Variants in STAG1 observed in about 807,000 individuals in gnomAD.
STAG1 encodes the protein STAG1 cohesin complex component.
STAG1 carries 26 observed loss-of-function variants against 170.9 expected under a neutral mutation model. That is an observed-to-expected ratio of 0.15 (90% CI 0.11 to 0.21). STAG1 has a LOEUF of 0.21. Among genes scored for constraint, STAG1 ranks in the 10% least tolerant of loss-of-function variants. STAG1 has a pLI of 1.00. For missense variants in STAG1, 964 were observed against 1,509.5 expected (o/e 0.64, Z 5.99); for synonymous variants, 514 against 497.7 (o/e 1.03, Z -0.44).
intron 1 of STAG1, among the ~76,000 whole-genome samples, chr3:136,682,812 TA>T (rs1942383455): frequency 6.6e-6 from 1 of 152,182 alleles, no homozygotes; most frequent in African/African-American, 2.4e-5. Flanking sequence ...AAGAGATATT[TA>T]TACACCCATG....
intron 32 of STAG1, 57 bp from the exon 33 acceptor site, chr3:136,338,507 G>T: frequency 8.0e-7 from 1 of 1,246,146 alleles, no homozygotes; most frequent in Non-Finnish European, 1.2e-6. Context: ...ACAATGAATT[G>T]TGATAATCAG....
rs554727344 is a variant in STAG1, at chr3:136,665,570, G to A, written c.-83-34589C>T. 2.0e-5 allele frequency among the ~76,000 whole-genome samples: 3 copies of A among 151,980 alleles called. No homozygotes were observed. The South Asian group carries it at 6.2e-4, about 32-fold the overall frequency. The stretch of plus-strand genomic sequence containing the variant: ...CGAGACAGGCAGATCACGAGGTCAG[G>A]AGATCGAGACCACCCTAGCTAACAC... On this transcript the variant is annotated intron_variant, in intron 1 of 33. Transcript: ENST00000383202.
At chr3:136,342,807 C>T (rs1936037399) in intron 30 of STAG1, among the ~76,000 whole-genome samples, 1 of 152,196 alleles carries the variant, frequency 6.6e-6, no homozygotes, top group South Asian at 2.1e-4. Context: ...CAGGGAATGA[C>T]AAATGGTAGG....
intron 16 of STAG1, among the ~76,000 whole-genome samples, chr3:136,433,185 G>T (rs1344466209): frequency 6.6e-6 from 1 of 151,894 alleles, no homozygotes; most frequent in Non-Finnish European, 1.5e-5. Flanking sequence ...AGGAAACTAA[G>T]ACATACAAAA....
intron 4 of STAG1, among the ~76,000 whole-genome samples, chr3:136,571,377 T>C (rs899088535): frequency 1.5e-4 from 23 of 152,166 alleles, no homozygotes; most frequent in African/African-American, 5.6e-4. Context: ...GAGACAAGCC[T>C]GAGCAGCATG....
chr3:136,467,783 A>G (rs1302085261), intron 12 of STAG1, among the ~76,000 whole-genome samples: 1 of 152,212 alleles, frequency 6.6e-6, no homozygotes, highest in Admixed American at 6.5e-5. Flanking sequence ...AGCAAATGTA[A>G]AAGAACAGAA....
Position 136,376,776 on chromosome 3 carries a change from T to A in STAG1, c.2370+884A>T, listed in dbSNP as rs145605087. 3.3e-3 allele frequency among the ~76,000 whole-genome samples: 507 copies of A among 152,078 alleles called. 8 individuals are homozygous for A. The East Asian group carries it at 0.048, about 14-fold the overall frequency. On this transcript the variant is annotated intron_variant, in intron 23 of 33. Transcript: ENST00000383202. ...ATGTCAGCTCCCCAGACCCTCAATA[T>A]TCTGGTGTAGAATTCTTTTTTTTAA...
chr3:136,735,761 C>T (rs1235013154), intron 1 of STAG1, among the ~76,000 whole-genome samples: 1 of 152,108 alleles, frequency 6.6e-6, no homozygotes, highest in Non-Finnish European at 1.5e-5. Flanking sequence ...TATAGGGGTT[C>T]GCCACCACGC....
chr3:136,751,929 C>A (rs1355439630), intron 1 of STAG1, among the ~76,000 whole-genome samples: 1 of 150,828 alleles, frequency 6.6e-6, no homozygotes, highest in Non-Finnish European at 1.5e-5. Context: ...GGAGGGGTGG[C>A]AAGCGACGAA....
intron 3 of STAG1, among the ~76,000 whole-genome samples, chr3:136,612,322 T>G (rs1396861177): frequency 2.0e-5 from 3 of 152,104 alleles, no homozygotes; most frequent in Non-Finnish European, 4.4e-5. Flanking sequence ...AAGATCCATG[T>G]CTGGCTGGGC....
intron 1 of STAG1, among the ~76,000 whole-genome samples, chr3:136,683,764 T>C (rs971351994): frequency 5.3e-5 from 8 of 152,188 alleles, no homozygotes; most frequent in African/African-American, 1.9e-4. Context: ...ACAGTCTCTG[T>C]TCCCAGGAGA....
At chr3:136,568,359 AAACTT>A (rs1213626688) in intron 5 of STAG1, among the ~76,000 whole-genome samples, 2 of 152,214 alleles carry the variant, frequency 1.3e-5, no homozygotes, top group Non-Finnish European at 1.5e-5. Context: ...AAAAGTATTT[AAACTT>A]AACTATAAAA....
chr3:136,582,279 G>A (rs1429025073), intron 4 of STAG1, among the ~76,000 whole-genome samples: 1 of 152,164 alleles, frequency 6.6e-6, no homozygotes, highest in Non-Finnish European at 1.5e-5. Flanking sequence ...CCTGCAATGA[G>A]AGAAGTTCAG....
At chr3:136,657,083 C>T (rs1432983478) in intron 1 of STAG1, among the ~76,000 whole-genome samples, 2 of 148,996 alleles carry the variant, frequency 1.3e-5, no homozygotes, top group Non-Finnish European at 3.0e-5. Flanking sequence ...CTATTAAGAA[C>T]TATGAGAAGA....
chr3:136,590,837 A>C (rs934947592), intron 4 of STAG1, among the ~76,000 whole-genome samples: 2 of 152,200 alleles, frequency 1.3e-5, no homozygotes, highest in African/African-American at 2.4e-5. Context: ...ATCAGTTCTA[A>C]AATATGTGCC....
chr3:136,544,515 C>T (rs966356180), intron 5 of STAG1, among the ~76,000 whole-genome samples: 52 of 152,042 alleles, frequency 3.4e-4, no homozygotes, highest in African/African-American at 1.2e-3. Flanking sequence ...ATAATACCAG[C>T]ACTTTGGGAG....
intron 1 of STAG1, among the ~76,000 whole-genome samples, chr3:136,685,507 T>C (rs1942488578): frequency 6.6e-6 from 1 of 152,150 alleles, no homozygotes; most frequent in African/African-American, 2.4e-5. Flanking sequence ...GAAACATATG[T>C]CCACACACGT....
chr3:136,475,331 G>C (rs34708790), intron 10 of STAG1, among the ~76,000 whole-genome samples: 2 of 151,968 alleles, frequency 1.3e-5, no homozygotes, highest in South Asian at 2.1e-4. Flanking sequence ...ATTTTTAGTA[G>C]AGACAGGGTT....
At chr3:136,714,248 G>A (rs558653763) in intron 1 of STAG1, among the ~76,000 whole-genome samples, 7 of 152,176 alleles carry the variant, frequency 4.6e-5, no homozygotes, top group South Asian at 2.1e-4. Context: ...AAAACAGAAC[G>A]TCAAACCACA....
Sources: gnomAD v4.1 joint callset for allele counts (sites outside exome capture counted in the v4.1 genomes callset) on GRCh38, gnomAD v4.1.1 for gene constraint, MANE v1.5 for transcripts, NCBI Gene and HGNC (gene_info 2026-07-23, HGNC 2026-07-21) for gene names.